CLECL1: variants seen among roughly 807,000 people sequenced by gnomAD.
The protein encoded by CLECL1 is C-type lectin like 1.
intron 3 of CLECL1, among the ~76,000 whole-genome samples, chr12:9,726,350 T>A (rs1866379808): frequency 6.6e-6 from 1 of 151,866 alleles, no homozygotes; most frequent in Non-Finnish European, 1.5e-5. Context: ...TCACTGAAAT[T>A]AAAAACTCAG....
At chr12:9,722,418 A>G (rs879633380), downstream of CLECL1, 1 of 763,618 alleles carries the variant, frequency 1.3e-6, no homozygotes, top group Non-Finnish European at 1.8e-6. Flanking sequence ...TCCCTTGGAG[A>G]GAAGAGCTTG....
downstream of CLECL1, chr12:9,722,419 G>A (rs1228910948): frequency 6.4e-6 from 5 of 780,508 alleles, no homozygotes; most frequent in Non-Finnish European, 7.2e-6. Context: ...CCCTTGGAGA[G>A]AAGAGCTTGG....
the CLECL1 span, among the ~76,000 whole-genome samples, chr12:9,703,375 GTTAT>G: frequency 0.012 from 1,793 of 148,030 alleles, 17 homozygotes; most frequent in African/African-American, 0.026. Flanking sequence ...TTTGTGCTAG[GTTAT>G]TTATTTATTT....
chr12:9,733,229 G>C (rs760579440), upstream of CLECL1: 2 of 1,612,392 alleles, frequency 1.2e-6, no homozygotes, highest in African/African-American at 2.7e-5. Flanking sequence ...CAGATTTCTC[G>C]AATACTTGTA....
intron 1 of CLECL1, among the ~76,000 whole-genome samples, chr12:9,729,906 C>T (rs1410735285): frequency 1.3e-5 from 2 of 151,778 alleles, no homozygotes; most frequent in Non-Finnish European, 2.9e-5. Flanking sequence ...GTTTATATTC[C>T]CCAGTATTGA....
the CLECL1 span, among the ~76,000 whole-genome samples, chr12:9,708,675 C>CT: frequency 6.6e-6 from 1 of 152,178 alleles, no homozygotes; most frequent in African/African-American, 2.4e-5. Context: ...GGGCAGTTAA[C>CT]TCCTATTCTC....
exon 4 of CLECL1, chr12:9,722,794 A>C: frequency 1.9e-6 from 3 of 1,607,994 alleles, no homozygotes; most frequent in South Asian, 2.2e-5. Context: ...ATTTATGGAC[A>C]GTAGAAAAGT....
At chr12:9,711,185 A>C (rs1866197667), downstream of CLECL1, among the ~76,000 whole-genome samples, 1 of 152,152 alleles carries the variant, frequency 6.6e-6, no homozygotes, top group African/African-American at 2.4e-5. Context: ...AGGTTTGAGC[A>C]GGGAGGCACT....
downstream of CLECL1, chr12:9,718,655 G>A (rs139723246): frequency 4.1e-4 from 280 of 682,652 alleles, 1 homozygote; most frequent in Admixed American, 3.2e-3. Flanking sequence ...AGGCCATTGC[G>A]GTGGGCCCTA....
chr12:9,731,085 G>C (rs1193144744), intron 1 of CLECL1, among the ~76,000 whole-genome samples: 1 of 152,080 alleles, frequency 6.6e-6, no homozygotes, highest in Non-Finnish European at 1.5e-5. Context: ...AAAAGATATT[G>C]ATCATTCTTT....
chr12:9,717,058 C>T (rs1866246429), intron 2 of CLECL1, among the ~76,000 whole-genome samples: 1 of 152,148 alleles, frequency 6.6e-6, no homozygotes, highest in Non-Finnish European at 1.5e-5. Flanking sequence ...CCCAGCAAGT[C>T]CTGGAGGATT....
rs144252486 is a variant in CLECL1, at chr12:9,722,760, C to T, written n.316G>A. On this transcript the variant is annotated non_coding_transcript_exon_variant, in exon 4 of 4. Coordinates refer to ENST00000621400, the Ensembl canonical transcript of CLECL1. ...ATCCAGTAACATTTTCCCTTATGCA[C>T]CTTCCAGTCTTTGGCAGGACATGAT... 2 of 1,613,770 alleles carry T rather than the reference C, an allele frequency of 1.2e-6. No homozygotes were observed. Among genetic ancestry groups the T allele is most frequent in the Admixed American group, 1.7e-5 (1 of 59,992 alleles).
At chr12:9,714,361 T>C (rs1310970491), downstream of CLECL1, among the ~76,000 whole-genome samples, 2 of 152,238 alleles carry the variant, frequency 1.3e-5, no homozygotes, top group African/African-American at 2.4e-5. Flanking sequence ...GAAAGATGGC[T>C]TAATGGTGCC....
intron 1 of CLECL1, among the ~76,000 whole-genome samples, chr12:9,731,595 G>C (rs965462915): frequency 1.3e-5 from 2 of 152,188 alleles, no homozygotes; most frequent in Non-Finnish European, 2.9e-5. Flanking sequence ...GAGAACAAAA[G>C]TTGCGTTTAT....
At chr12:9,720,084 T>C (rs148023819), downstream of CLECL1, among the ~76,000 whole-genome samples, 1,657 of 152,236 alleles carry the variant, frequency 0.011, 27 homozygotes, top group African/African-American at 0.034. Context: ...GTGCCTGTAA[T>C]GTTAGTGCCT....
At chr12:9,710,379 G>A in the CLECL1 span, among the ~76,000 whole-genome samples, 3 of 152,128 alleles carry the variant, frequency 2.0e-5, no homozygotes, top group Admixed American at 6.5e-5. Flanking sequence ...TCAGTGGGAA[G>A]CAGCTAAGAC....
At chr12:9,720,710 T>G (rs1409568091), downstream of CLECL1, among the ~76,000 whole-genome samples, 1 of 152,154 alleles carries the variant, frequency 6.6e-6, no homozygotes, top group Non-Finnish European at 1.5e-5. Context: ...AATTTCTGCT[T>G]CTCTCCAGTC....
At chr12:9,725,338 G>T (rs1866365683) in intron 3 of CLECL1, among the ~76,000 whole-genome samples, 3 of 152,024 alleles carry the variant, frequency 2.0e-5, no homozygotes, top group Admixed American at 2.0e-4. Context: ...CTGTTGCCTA[G>T]CTTATAAAGT....
At chr12:9,729,661 C>G (rs750978277) in exon 2 of CLECL1, among the ~76,000 whole-genome samples, 8 of 152,192 alleles carry the variant, frequency 5.3e-5, no homozygotes, top group Non-Finnish European at 1.0e-4. Flanking sequence ...AAGAACAATT[C>G]CATGGTGGTG....
Sources: allele counts gnomAD v4.1 joint callset (sites outside exome capture counted in the v4.1 genomes callset), GRCh38; gene constraint gnomAD v4.1.1; transcripts MANE v1.5; gene names NCBI Gene and HGNC (gene_info 2026-07-23, HGNC 2026-07-21).